The following KLHL29 variants were observed in gnomAD, a reference collection of about 807,000 sequenced individuals.
KLHL29 encodes kelch like family member 29.
In KLHL29, 21 loss-of-function variants were observed where a neutral mutation model predicts 80.4. The ratio of observed to expected loss-of-function variants is 0.26; its 90% CI spans 0.19 to 0.38. The LOEUF (loss-of-function observed/expected upper bound fraction) is 0.38. KLHL29 is among the 10% of genes least tolerant of loss of function. The pLI, the probability that KLHL29 is intolerant of heterozygous loss-of-function variation, is 1.00. For missense variants in KLHL29, 867 were observed against 1,223.9 expected (o/e 0.71, Z 4.35); for synonymous variants, 511 against 526.8 (o/e 0.97, Z 0.41).
At chr2:23,522,720 C>T (rs905100404) in intron 2 of KLHL29, among the ~76,000 whole-genome samples, 1 of 152,260 alleles carries the variant, frequency 6.6e-6, no homozygotes, top group Admixed American at 6.5e-5. Context: ...GTTTCTTCTC[C>T]TCCAACCCAA....
intron 3 of KLHL29, among the ~76,000 whole-genome samples, chr2:23,597,557 G>A (rs1448018669): frequency 1.3e-5 from 2 of 150,928 alleles, no homozygotes; most frequent in African/African-American, 4.9e-5. Flanking sequence ...ACAAGTAGCT[G>A]GGATTATAGG....
intron 3 of KLHL29, among the ~76,000 whole-genome samples, chr2:23,621,294 C>T (rs569477953): frequency 2.2e-4 from 33 of 152,336 alleles, no homozygotes; most frequent in African/African-American, 7.2e-4. Context: ...CGGACTAAGA[C>T]CTGCTGCTGA....
intron 2 of KLHL29, among the ~76,000 whole-genome samples, chr2:23,538,425 A>G (rs771518398): frequency 6.6e-6 from 1 of 152,182 alleles, no homozygotes; most frequent in Non-Finnish European, 1.5e-5. Flanking sequence ...ATCTTTATCA[A>G]GATGTCTAAA....
At chr2:23,615,629 C>T (rs1168127176) in intron 3 of KLHL29, among the ~76,000 whole-genome samples, 2 of 152,166 alleles carry the variant, frequency 1.3e-5, no homozygotes, top group Admixed American at 6.5e-5. Context: ...GCTGAAGTTG[C>T]ACTTTCCATG....
rs1664098425 is a variant in KLHL29, at chr2:23,457,806, G to T, written c.-153-17754G>T. On this transcript the variant is annotated intron_variant, in intron 1 of 13. Coordinates refer to ENST00000486442, the MANE Select transcript of KLHL29 (RefSeq NM_052920.2). The surrounding 1 kb of genome is among the most constrained non-coding windows in gnomAD (Gnocchi z 4.3). ...AGGCAGGCAGATCACGAGGTCAGGA[G>T]ATCGAGACCATCCTGGCTAACACAG... 6.6e-6 allele frequency among the ~76,000 whole-genome samples: 1 copy of T among 152,168 alleles called. No homozygotes were observed.
chr2:23,526,088 A>G (rs1468975606), intron 2 of KLHL29, among the ~76,000 whole-genome samples: 2 of 152,242 alleles, frequency 1.3e-5, no homozygotes, highest in Non-Finnish European at 2.9e-5. Context: ...CTGAAAGGGA[A>G]AAGCAGGTTA....
intron 3 of KLHL29, among the ~76,000 whole-genome samples, chr2:23,606,146 G>T (rs866562137): frequency 6.7e-5 from 10 of 148,246 alleles, no homozygotes; most frequent in Non-Finnish European, 1.2e-4. Flanking sequence ...GCTAGTGTGT[G>T]TGTGTGTGTA....
intron 5 of KLHL29, among the ~76,000 whole-genome samples, chr2:23,654,984 A>G (rs921020062): frequency 1.3e-4 from 20 of 152,306 alleles, no homozygotes; most frequent in African/African-American, 4.3e-4. Flanking sequence ...AAGTCCCACA[A>G]GTGGCTGTTT....
intron 2 of KLHL29, among the ~76,000 whole-genome samples, chr2:23,496,120 C>A (rs907758775): frequency 6.6e-6 from 1 of 152,176 alleles, no homozygotes; most frequent in African/African-American, 2.4e-5. Flanking sequence ...TCAGGGGGCA[C>A]GAGAGGGGCT....
At chr2:23,440,488 TAA>T in intron 1 of KLHL29, among the ~76,000 whole-genome samples, 1 of 151,878 alleles carries the variant, frequency 6.6e-6, no homozygotes, top group Non-Finnish European at 1.5e-5. Context: ...GGGATCTAAT[TAA>T]ACTAAAGAGC....
intron 5 of KLHL29, among the ~76,000 whole-genome samples, chr2:23,657,711 G>A (rs1260000059): frequency 6.6e-6 from 1 of 152,192 alleles, no homozygotes; most frequent in East Asian, 1.9e-4. Context: ...GAGAGTTTTG[G>A]CTGGCATCTC....
rs70941587 is a variant in KLHL29, at chr2:23,701,979, A to AT, written c.2106-1192dup. Among the ~76,000 whole-genome samples the AT allele has an allele frequency of 4.3e-3, 625 of 144,640 alleles. 6 individuals carry two copies. The highest frequency in any genetic ancestry group is 0.036 in the South Asian group (163 of 4,544). The allele number at this position is 144,640 out of a possible 152,430, so 94.9% of individuals were successfully genotyped here. ...AGGCATGTGCCACCATGCCCAGCTA[A>AT]TTTTTTTTTTTTTTTGTATTTTTAG... On this transcript the variant is annotated intron_variant, in intron 11 of 13. Coordinates refer to ENST00000486442, the MANE Select transcript of KLHL29 (RefSeq NM_052920.2).
intron 2 of KLHL29, among the ~76,000 whole-genome samples, chr2:23,508,808 G>A (rs1665684718): frequency 6.6e-6 from 1 of 152,208 alleles, no homozygotes; most frequent in African/African-American, 2.4e-5. Context: ...ATCTATCCCT[G>A]ATTGCAGGGA....
intron 3 of KLHL29, among the ~76,000 whole-genome samples, chr2:23,621,604 C>A (rs184098432): frequency 1.3e-5 from 2 of 152,050 alleles, no homozygotes; most frequent in East Asian, 1.9e-4. Flanking sequence ...ATGGGACAGA[C>A]CCCCCAGACA....
At chr2:23,421,409 T>G (rs1477223353) in intron 1 of KLHL29, among the ~76,000 whole-genome samples, 1 of 152,150 alleles carries the variant, frequency 6.6e-6, no homozygotes, top group Non-Finnish European at 1.5e-5. Context: ...TCTCTGCCTC[T>G]CCTCTCCTCT....
At chr2:23,573,803 T>C (rs1057192536) in intron 3 of KLHL29, among the ~76,000 whole-genome samples, 4 of 152,222 alleles carry the variant, frequency 2.6e-5, no homozygotes, top group African/African-American at 9.6e-5. Context: ...TTGGGGACCG[T>C]TGGGCCTTAA....
chr2:23,434,156 C>T (rs1054133039), intron 1 of KLHL29, among the ~76,000 whole-genome samples: 1 of 151,804 alleles, frequency 6.6e-6, no homozygotes, highest in Admixed American at 6.6e-5. Flanking sequence ...CCCGTTTCTA[C>T]TAAAAATACA....
chr2:23,481,668 C>T (rs1336688454), intron 2 of KLHL29, among the ~76,000 whole-genome samples: 1 of 152,138 alleles, frequency 6.6e-6, no homozygotes, highest in Non-Finnish European at 1.5e-5. Flanking sequence ...GTAATCCCAG[C>T]ACTTTGAGAG....
At chr2:23,450,595 G>A (rs919703920) in intron 1 of KLHL29, among the ~76,000 whole-genome samples, 5 of 152,004 alleles carry the variant, frequency 3.3e-5, no homozygotes, top group South Asian at 2.1e-4. Context: ...CATTCCTCCC[G>A]TTTTTCTTTT....
Sources: allele counts gnomAD v4.1 joint callset (sites outside exome capture counted in the v4.1 genomes callset), GRCh38; gene constraint gnomAD v4.1.1; non-coding constraint Gnocchi (gnomAD v3.1); transcripts MANE v1.5; gene names NCBI Gene and HGNC (gene_info 2026-07-23, HGNC 2026-07-21).